ABLIM1: variants seen among roughly 807,000 people sequenced by gnomAD.
The protein encoded by ABLIM1 is actin-binding LIM protein 1.
Under a neutral mutation model 107.0 loss-of-function variants are expected in ABLIM1, and 40 were observed. The observed-to-expected ratio is 0.37, with a 90% CI of 0.29 to 0.49. The LOEUF is 0.49. ABLIM1 is among the 20% of genes least tolerant of loss of function. The pLI is 0.97. For missense variants in ABLIM1, 857 were observed against 1,008.5 expected (o/e 0.85, Z 2.04); for synonymous variants, 357 against 357.3 (o/e 1.00, Z 0.01).
chr10:114,766,884 T>C (rs2082907549), intron 1 of ABLIM1, among the ~76,000 whole-genome samples: 1 of 152,198 alleles, frequency 6.6e-6, no homozygotes, highest in Non-Finnish European at 1.5e-5. Context: ...TAATTAGGCA[T>C]GAATAGGCAG....
At chr10:114,555,710 T>A (rs2138029375) in intron 4 of ABLIM1, among the ~76,000 whole-genome samples, 1 of 152,276 alleles carries the variant, frequency 6.6e-6, no homozygotes, top group South Asian at 2.1e-4. Flanking sequence ...CCAGAGGGAT[T>A]TTAAGACAGT....
intron 12 of ABLIM1, among the ~76,000 whole-genome samples, chr10:114,464,497 A>G (rs1464067344): frequency 6.6e-6 from 1 of 152,110 alleles, no homozygotes; most frequent in African/African-American, 2.4e-5. Flanking sequence ...AGCATAAAGG[A>G]TTTCTTATTA....
At chr10:114,501,242 C>G (rs1441372625) in intron 6 of ABLIM1, among the ~76,000 whole-genome samples, 1 of 152,114 alleles carries the variant, frequency 6.6e-6, no homozygotes, top group Non-Finnish European at 1.5e-5. Flanking sequence ...TTAGAGAGAT[C>G]AGGAAATCAC....
intron 1 of ABLIM1, among the ~76,000 whole-genome samples, chr10:114,726,183 T>A (rs947513047): frequency 6.6e-6 from 1 of 152,074 alleles, no homozygotes; most frequent in Non-Finnish European, 1.5e-5. Context: ...TAGAAATTTG[T>A]TGTTGTTGTT....
intron 6 of ABLIM1, among the ~76,000 whole-genome samples, chr10:114,492,794 G>A (rs1170703479): frequency 7.2e-5 from 11 of 152,162 alleles, no homozygotes; most frequent in Non-Finnish European, 1.5e-4. Context: ...AAAAATGACT[G>A]TATCCTGCAT....
At chr10:114,690,027 G>A in intron 1 of ABLIM1, 1 of 674,330 alleles carries the variant, frequency 1.5e-6, no homozygotes, top group Non-Finnish European at 2.5e-6. Flanking sequence ...GGAACCCAAA[G>A]GGAACTGCAG....
intron 1 of ABLIM1, among the ~76,000 whole-genome samples, chr10:114,616,063 T>G (rs1248530801): frequency 6.6e-6 from 1 of 152,100 alleles, no homozygotes; most frequent in East Asian, 1.9e-4. Context: ...GTGTGGGCGG[T>G]GGCTCACACG....
intron 1 of ABLIM1, among the ~76,000 whole-genome samples, chr10:114,752,319 AC>A (rs1486430660): frequency 6.6e-6 from 1 of 151,910 alleles, no homozygotes; most frequent in Non-Finnish European, 1.5e-5. Context: ...TCCTTGTCCA[AC>A]TCTTTCCACT....
chr10:114,542,620 A>G (rs2066843110), intron 6 of ABLIM1, among the ~76,000 whole-genome samples: 1 of 144,220 alleles, frequency 6.9e-6, no homozygotes, highest in African/African-American at 2.7e-5. Context: ...AAAGAAAGAG[A>G]AAGAAGAAGG....
chr10:114,764,743 G>A (rs1024931360), intron 1 of ABLIM1: 1 of 152,232 alleles, frequency 6.6e-6, no homozygotes, highest in African/African-American at 2.4e-5. Flanking sequence ...GCTAAGCAGT[G>A]TTCTCCCCAA....
At chr10:114,610,965 A>G (rs955021637) in intron 1 of ABLIM1, among the ~76,000 whole-genome samples, 1 of 152,104 alleles carries the variant, frequency 6.6e-6, no homozygotes, top group African/African-American at 2.4e-5. Context: ...CAGCCTGGCC[A>G]ACATAGTGAA....
At chr10:114,724,176 T>C (rs1461092394) in intron 1 of ABLIM1, among the ~76,000 whole-genome samples, 1 of 152,190 alleles carries the variant, frequency 6.6e-6, no homozygotes, top group African/African-American at 2.4e-5. Flanking sequence ...CATTCATTAT[T>C]ATTGTGCAAC....
chr10:114,716,725 A>C (rs2081674619), intron 1 of ABLIM1, among the ~76,000 whole-genome samples: 1 of 152,078 alleles, frequency 6.6e-6, no homozygotes, highest in Non-Finnish European at 1.5e-5. Flanking sequence ...AAGAACAAAC[A>C]ACACTCTACT....
chr10:114,697,892 T>C (rs1027237331), intron 1 of ABLIM1, among the ~76,000 whole-genome samples: 134 of 152,298 alleles, frequency 8.8e-4, no homozygotes, highest in Non-Finnish European at 3.4e-4. Flanking sequence ...AAGTAATGAT[T>C]TTAAATCAAT....
At chr10:114,511,256 A>G (rs2061824142) in intron 6 of ABLIM1, among the ~76,000 whole-genome samples, 1 of 152,100 alleles carries the variant, frequency 6.6e-6, no homozygotes, top group Admixed American at 6.5e-5. Context: ...GTCACAGAAC[A>G]ATGGCAGAAC....
intron 6 of ABLIM1, among the ~76,000 whole-genome samples, chr10:114,543,694 C>A (rs185396072): frequency 6.6e-6 from 1 of 152,194 alleles, no homozygotes; most frequent in Non-Finnish European, 1.5e-5. Flanking sequence ...GGCTTCCTAC[C>A]GCTTTTAGGG....
chr10:114,683,052 T>C (rs1231278257), intron 1 of ABLIM1, among the ~76,000 whole-genome samples: 1 of 152,248 alleles, frequency 6.6e-6, no homozygotes, highest in East Asian at 1.9e-4. Context: ...TTTTCCACTC[T>C]AAATGTATCA....
At chr10:114,511,531 A>G (rs1274919278) in intron 6 of ABLIM1, among the ~76,000 whole-genome samples, 1 of 151,494 alleles carries the variant, frequency 6.6e-6, no homozygotes, top group Non-Finnish European at 1.5e-5. Flanking sequence ...ACACCCAGCT[A>G]ATTTTTGTAT....
At chr10:114,441,375 G>T (rs1473714276) in intron 18 of ABLIM1, among the ~76,000 whole-genome samples, 1 of 152,148 alleles carries the variant, frequency 6.6e-6, no homozygotes, top group Non-Finnish European at 1.5e-5. Context: ...GAGGAGGATG[G>T]TTATAACACA....
Sources: allele counts gnomAD v4.1 joint callset (sites outside exome capture counted in the v4.1 genomes callset), GRCh38; gene constraint gnomAD v4.1.1; transcripts MANE v1.5; gene names NCBI Gene and HGNC (gene_info 2026-07-23, HGNC 2026-07-21).